Variants in ERC2 observed in about 807,000 individuals in gnomAD.
The protein encoded by ERC2 is ERC protein 2.
Under a neutral mutation model 114.8 loss-of-function variants are expected in ERC2, and 42 were observed. That is an observed-to-expected ratio of 0.37 (90% CI 0.29 to 0.47). The LOEUF is 0.47. Ranked by LOEUF, ERC2 falls within the 20% of genes least tolerant of loss-of-function variation. The pLI is 0.99. For synonymous variants in ERC2, 454 were observed against 425.5 expected, an observed-to-expected ratio of 1.07 and a Z score of -0.82; for missense variants, 939 against 1,150.7, an observed-to-expected ratio of 0.82 and a Z score of 2.66.
intron 6 of ERC2, among the ~76,000 whole-genome samples, chr3:56,104,337 C>T (rs1471235578): frequency 6.6e-6 from 1 of 152,190 alleles, no homozygotes; most frequent in Non-Finnish European, 1.5e-5. Context: ...GTACAACAAC[C>T]CTACATTATC....
chr3:55,540,636 T>A (rs868837736), intron 17 of ERC2, among the ~76,000 whole-genome samples: 20 of 152,258 alleles, frequency 1.3e-4, no homozygotes, highest in South Asian at 6.2e-4. Flanking sequence ...ACCAGAGTAT[T>A]TTGGAGGCCC....
chr3:55,870,300 C>T (rs2062522526), intron 14 of ERC2, among the ~76,000 whole-genome samples: 1 of 152,122 alleles, frequency 6.6e-6, no homozygotes. Flanking sequence ...GTCTCAAACT[C>T]CTGACTTCAA....
intron 14 of ERC2, among the ~76,000 whole-genome samples, chr3:55,850,416 C>T (rs1258216257): frequency 1.3e-5 from 2 of 152,180 alleles, no homozygotes; most frequent in African/African-American, 2.4e-5. Flanking sequence ...GTCATTTTAT[C>T]TTTACAATAA....
At chr3:55,716,714 T>C (rs1436245187) in intron 15 of ERC2, among the ~76,000 whole-genome samples, 1 of 152,208 alleles carries the variant, frequency 6.6e-6, no homozygotes, top group Non-Finnish European at 1.5e-5. Flanking sequence ...CCCATCATCA[T>C]GTGCCCTGAG....
At chr3:55,613,235 TG>T (rs2058979667) in intron 17 of ERC2, 1 of 152,252 alleles carries the variant, frequency 6.6e-6, no homozygotes, top group Non-Finnish European at 1.5e-5. Context: ...ACCCAATTGC[TG>T]TTTTACAAGC....
At position 55,773,732 on chromosome 3, in the gene ERC2, A is replaced by T. The variant is rs181514369; in HGVS notation, c.2565-38814T>A. ...GTGCTTCCATTTCAATTTGTTTTTT[A>T]AAAAAAATCATTGCTGACAGGTGTT... On this transcript the variant is annotated intron_variant, in intron 14 of 17. Coordinates refer to ENST00000288221, the MANE Select transcript of ERC2 (RefSeq NM_015576.3). 9.8e-3 allele frequency among the ~76,000 whole-genome samples: 1,486 copies of T among 152,174 alleles called. 25 individuals carry two copies. Among genetic ancestry groups the T allele is most frequent in the East Asian group, 0.044 (229 of 5,182 alleles).
chr3:56,241,429 C>T (rs1377271635), intron 3 of ERC2, among the ~76,000 whole-genome samples: 1 of 152,084 alleles, frequency 6.6e-6, no homozygotes, highest in Non-Finnish European at 1.5e-5. Flanking sequence ...AAAGGTACGC[C>T]TTATACACTG....
At chr3:56,342,699 G>A (rs1028165611) in intron 2 of ERC2, among the ~76,000 whole-genome samples, 2 of 152,186 alleles carry the variant, frequency 1.3e-5, no homozygotes, top group Non-Finnish European at 2.9e-5. Context: ...AGGCACTGCC[G>A]AGGAGAGAGT....
chr3:55,642,199 T>C (rs2060212856), intron 17 of ERC2, among the ~76,000 whole-genome samples: 1 of 152,182 alleles, frequency 6.6e-6, no homozygotes, highest in Admixed American at 6.5e-5. Context: ...AAAAGCCATA[T>C]CCCACTGTCA....
At chr3:56,063,084 C>T (rs539994550) in intron 7 of ERC2, among the ~76,000 whole-genome samples, 3 of 152,182 alleles carry the variant, frequency 2.0e-5, no homozygotes, top group Non-Finnish European at 4.4e-5. Flanking sequence ...AGTTTCAATG[C>T]ATTATGCTAA....
chr3:55,943,259 C>T (rs939612347), intron 13 of ERC2, among the ~76,000 whole-genome samples: 30 of 152,258 alleles, frequency 2.0e-4, no homozygotes, highest in African/African-American at 7.2e-4. Context: ...TTTTTCTTCT[C>T]CCAGTCCTTT....
chr3:56,294,902 T>C (rs375528411), intron 3 of ERC2, among the ~76,000 whole-genome samples: 78 of 152,334 alleles, frequency 5.1e-4, no homozygotes, highest in African/African-American at 1.8e-3. Context: ...GTTGGTAAAG[T>C]ATCATTAAAA....
chr3:56,222,044 GT>G (rs1432210399), intron 3 of ERC2, among the ~76,000 whole-genome samples: 1 of 152,196 alleles, frequency 6.6e-6, no homozygotes, highest in Non-Finnish European at 1.5e-5. Context: ...TCACTCATCA[GT>G]GTAAGAAGAG....
At chr3:56,086,220 G>C (rs751093172) in intron 6 of ERC2, among the ~76,000 whole-genome samples, 28 of 152,186 alleles carry the variant, frequency 1.8e-4, no homozygotes, top group Non-Finnish European at 3.2e-4. Flanking sequence ...ATCTTCCCAA[G>C]CCCAGAAGAG....
chr3:55,877,598 A>G (rs1249230299), intron 14 of ERC2, among the ~76,000 whole-genome samples: 1 of 150,410 alleles, frequency 6.6e-6, no homozygotes, highest in Admixed American at 6.6e-5. Flanking sequence ...TGCAGCCTCA[A>G]CCTCCCAGGC....
chr3:55,951,605 C>T (rs2067516486), intron 12 of ERC2, among the ~76,000 whole-genome samples: 2 of 152,062 alleles, frequency 1.3e-5, no homozygotes, highest in Non-Finnish European at 2.9e-5. Context: ...AAATCTAATC[C>T]AACACATGAG....
chr3:56,466,574 C>T (rs1271371697), intron 1 of ERC2, among the ~76,000 whole-genome samples: 1 of 152,196 alleles, frequency 6.6e-6, no homozygotes, highest in Non-Finnish European at 1.5e-5. Context: ...GCAAACTCTA[C>T]TACTCCCCGG....
chr3:55,682,022 G>T (rs78078220), intron 17 of ERC2, among the ~76,000 whole-genome samples: 2 of 152,318 alleles, frequency 1.3e-5, no homozygotes, highest in Admixed American at 1.3e-4. Flanking sequence ...CAAGACAACT[G>T]CCAAACTCTT....
intron 2 of ERC2, 110 bp from the exon 3 acceptor site, chr3:56,296,545 A>T: frequency 8.4e-7 from 1 of 1,187,236 alleles, no homozygotes. Flanking sequence ...GTTAATCATG[A>T]GGTCCGGAGG....
Sources: allele counts gnomAD v4.1 joint callset (sites outside exome capture counted in the v4.1 genomes callset), GRCh38; gene constraint gnomAD v4.1.1; transcripts MANE v1.5; gene names NCBI Gene and HGNC (gene_info 2026-07-23, HGNC 2026-07-21).